CTNNA3: variants seen among roughly 807,000 people sequenced by gnomAD.
CTNNA3 encodes the protein catenin alpha 3, also known as catenin alpha-3.
A neutral mutation model predicts 95.7 loss-of-function variants in CTNNA3; 76 were observed. That is an observed-to-expected ratio of 0.79 (90% CI 0.66 to 0.96). CTNNA3 has a LOEUF of 0.96. Among genes scored for constraint, CTNNA3 ranks in the 40% least tolerant of loss-of-function variants. The pLI, the probability that CTNNA3 is intolerant of heterozygous loss-of-function variation, is 0.00. For missense variants in CTNNA3, 1,191 were observed against 1,089.8 expected (o/e 1.09, Z -1.31); for synonymous variants, 431 against 374.4 (o/e 1.15, Z -1.74).
chr10:66,757,315 A>G (rs551548987), intron 9 of CTNNA3, among the ~76,000 whole-genome samples: 2 of 152,280 alleles, frequency 1.3e-5, no homozygotes, highest in South Asian at 4.1e-4. Context: ...GAATATTCAT[A>G]ACAAAATGCC....
chr10:67,560,514 T>G (rs192296581), intron 3 of CTNNA3, among the ~76,000 whole-genome samples: 160 of 152,248 alleles, frequency 1.1e-3, no homozygotes, highest in African/African-American at 3.7e-3. Flanking sequence ...GAACAACCGG[T>G]ACCAGCTACT....
chr10:67,612,613 A>G (rs1843497260), intron 2 of CTNNA3, among the ~76,000 whole-genome samples: 1 of 152,206 alleles, frequency 6.6e-6, no homozygotes, highest in African/African-American at 2.4e-5. Context: ...ATAAAAGTCA[A>G]AGAAAGAGTT....
intron 7 of CTNNA3, among the ~76,000 whole-genome samples, chr10:67,023,819 GA>G (rs1285962653): frequency 6.6e-6 from 1 of 152,148 alleles, no homozygotes; most frequent in Non-Finnish European, 1.5e-5. Flanking sequence ...GCAAGGTTAG[GA>G]TACAGGAGTT....
intron 7 of CTNNA3, among the ~76,000 whole-genome samples, chr10:67,079,249 C>T (rs140901147): frequency 1.3e-5 from 2 of 152,220 alleles, no homozygotes; most frequent in East Asian, 3.9e-4. Flanking sequence ...TGTTATAGAA[C>T]AAGGGGAAGA....
At chr10:67,299,194 A>C (rs1564545864) in intron 5 of CTNNA3, among the ~76,000 whole-genome samples, 1 of 152,030 alleles carries the variant, frequency 6.6e-6, no homozygotes, top group Non-Finnish European at 1.5e-5. Context: ...TTCCCTCAGG[A>C]ATGTGATGTT....
intron 12 of CTNNA3, among the ~76,000 whole-genome samples, chr10:66,326,621 CATTA>C (rs773127837): frequency 4.0e-5 from 6 of 151,698 alleles, no homozygotes; most frequent in Non-Finnish European, 7.4e-5. Context: ...CTGTAATGGC[CATTA>C]ATTGTTAGTG....
chr10:65,980,249 T>TA lies in CTNNA3; in HGVS notation c.2265+8442dup, dbSNP rs567664730. Among the ~76,000 whole-genome samples the TA allele has an allele frequency of 9.9e-5, 15 of 151,914 alleles. No homozygotes were observed. The South Asian group carries it at 3.1e-3, about 32-fold the overall frequency. ...GAGGAGATGAATAAATTCCTGGAAA[T>TA]ATATAACCCTCTTAGATTAAACCAG... On this transcript the variant is annotated intron_variant, in intron 16 of 17. Transcript: ENST00000433211.
intron 14 of CTNNA3, among the ~76,000 whole-genome samples, chr10:66,092,955 C>G (rs1164604853): frequency 6.6e-6 from 1 of 151,732 alleles, no homozygotes; most frequent in African/African-American, 2.4e-5. Context: ...AAATTATATA[C>G]TAAGCAATTC....
At chr10:66,668,422 A>ATG (rs3055580) in intron 9 of CTNNA3, among the ~76,000 whole-genome samples, 9,056 of 146,778 alleles carry the variant, frequency 0.062, 342 homozygotes, top group Middle Eastern at 0.1. Context: ...CAACTCTCAT[A>ATG]TGTGTGTGTG....
intron 12 of CTNNA3, 35 bp from the exon 13 acceptor site, chr10:66,280,656 C>T (rs1554920373): frequency 2.6e-6 from 4 of 1,542,468 alleles, no homozygotes; most frequent in Middle Eastern, 2.2e-4. Context: ...AGATTGTCCT[C>T]TTTGTATTTT....
intron 1 of CTNNA3, among the ~76,000 whole-genome samples, chr10:67,681,111 A>T (rs1185541908): frequency 1.3e-5 from 2 of 152,256 alleles, no homozygotes; most frequent in African/African-American, 2.4e-5. Context: ...CAAATTGAAC[A>T]TTACAGAAGT....
At chr10:67,506,438 G>A (rs1034695844) in intron 5 of CTNNA3, among the ~76,000 whole-genome samples, 2 of 152,044 alleles carry the variant, frequency 1.3e-5, no homozygotes, top group East Asian at 1.9e-4. Flanking sequence ...AAATAAGTAC[G>A]CCTTAAAAAA....
rs551963706 is a variant in CTNNA3, at chr10:65,919,540, A to G, written c.*790T>C. ...TATAGTTTGTTGTCTCATTTTCCCA[A>G]TGGGTGATAACTCTTCTTTCACATA... On this transcript the variant is annotated 3_prime_UTR_variant, in exon 18 of 18. Coordinates refer to ENST00000433211, the MANE Select transcript of CTNNA3 (RefSeq NM_013266.4). The G allele has an allele frequency of 6.6e-6, 1 of 152,300 alleles. No homozygotes were observed. The highest frequency in any genetic ancestry group is 2.1e-4 in the South Asian group (1 of 4,830). 9.4% of individuals were successfully genotyped at this position (152,300 alleles called of 1,614,324 possible).
At chr10:66,885,317 G>A (rs1299294269) in intron 7 of CTNNA3, among the ~76,000 whole-genome samples, 1 of 152,086 alleles carries the variant, frequency 6.6e-6, no homozygotes, top group Non-Finnish European at 1.5e-5. Context: ...AGAGTATGAT[G>A]TTATTAATAT....
chr10:66,207,226 A>G (rs1446432687), intron 13 of CTNNA3, among the ~76,000 whole-genome samples: 1 of 151,798 alleles, frequency 6.6e-6, no homozygotes, highest in Admixed American at 6.6e-5. Flanking sequence ...ATATAGATAT[A>G]CTTCTAAAAG....
At position 66,564,193 on chromosome 10, in the gene CTNNA3, G is replaced by A. The variant is rs186145892; in HGVS notation, c.1375-43420C>T. Reference sequence around the variant, plus strand: ...GCGCTTATAATAAGGAAAAGACTTCGCCAAAAGTTGTCTACTTGGTGCTAT... The same window carrying A: ...GCGCTTATAATAAGGAAAAGACTTCACCAAAAGTTGTCTACTTGGTGCTAT... On this transcript the variant is annotated intron_variant, in intron 10 of 17. Coordinates refer to ENST00000433211, the MANE Select transcript of CTNNA3 (RefSeq NM_013266.4). Among the ~76,000 whole-genome samples the A allele has an allele frequency of 6.0e-4, 92 of 152,206 alleles. 1 individual carries two copies. The highest frequency in any genetic ancestry group is 2.2e-3 in the African/African-American group (92 of 41,534).
intron 15 of CTNNA3, among the ~76,000 whole-genome samples, chr10:66,034,062 AT>A (rs5785740): frequency 0.32 from 49,001 of 152,034 alleles, 8,122 homozygotes; most frequent in South Asian, 0.41. Flanking sequence ...TAAGAAAAGA[AT>A]TTAGAACAGG....
chr10:66,685,320 T>TAC (rs1491236712), intron 9 of CTNNA3, among the ~76,000 whole-genome samples: 5 of 9,170 alleles, frequency 5.5e-4, no homozygotes, highest in African/African-American at 2.8e-3. Flanking sequence ...TGTGTGTGTA[T>TAC]GTGTGTATAT....
At chr10:66,919,680 A>G (rs980351551) in intron 7 of CTNNA3, among the ~76,000 whole-genome samples, 1 of 152,190 alleles carries the variant, frequency 6.6e-6, no homozygotes, top group African/African-American at 2.4e-5. Context: ...ACTCATAACC[A>G]TATGTGACCA....
Sources: gnomAD v4.1 joint callset for allele counts (sites outside exome capture counted in the v4.1 genomes callset) on GRCh38, gnomAD v4.1.1 for gene constraint, MANE v1.5 for transcripts, NCBI Gene and HGNC (gene_info 2026-07-23, HGNC 2026-07-21) for gene names.